The following COL7A1 variants were observed in gnomAD, a reference collection of about 807,000 sequenced individuals.
COL7A1 encodes collagen type VII alpha 1 chain, also known as collagen alpha-1(VII) chain.
Under a neutral mutation model 456.2 loss-of-function variants are expected in COL7A1, and 296 were observed. The observed-to-expected ratio is 0.65, with a 90% CI of 0.59 to 0.71. COL7A1 has a LOEUF of 0.71. Ranked by LOEUF, COL7A1 falls within the 30% of genes least tolerant of loss-of-function variation. The pLI is 0.00. For synonymous variants in COL7A1, 1,464 were observed against 1,525.9 expected (o/e 0.96, Z 0.95); for missense variants, 3,441 against 4,017.2 (o/e 0.86, Z 3.88).
At position 48,593,484 on chromosome 3, in the gene COL7A1, C is replaced by T; in HGVS notation, c.427-35G>A. 1 of 1,614,070 alleles carries T rather than the reference C, an allele frequency of 6.2e-7. No homozygotes were observed. The highest frequency in any genetic ancestry group is 8.5e-7 in the Non-Finnish European group (1 of 1,179,998). On this transcript the variant is annotated intron_variant, in intron 4 of 118. Coordinates refer to ENST00000681320, the MANE Select transcript of COL7A1 (RefSeq NM_000094.4). The surrounding 1 kb of genome is among the most constrained non-coding windows in gnomAD (Gnocchi z 4.4). The stretch of plus-strand genomic sequence containing the variant: ...GTGCAGGGGTCAAATCACGGTTCCC[C>T]TGGACACTTCATTTGGGGTCATCTT...
Position 48,580,444 on chromosome 3 carries a change from ATGCGTGTG to A in COL7A1, c.5053-108_5053-101del. ...TCATGGGAATGTTGGTAGCCTTCAG[ATGCGTGTG>A]TGCAGGGGTCAAAGGAAGTGAAGAT... On this transcript the variant is annotated intron_variant, in intron 55 of 118. Transcript: ENST00000681320. The surrounding 1 kb of genome is among the most constrained non-coding windows in gnomAD (Gnocchi z 4.5). 1.3e-6 allele frequency: 2 copies of A among 1,494,742 alleles called. No individual in the cohort carries two copies. The highest frequency in any genetic ancestry group is 1.8e-6 in the Non-Finnish European group (2 of 1,086,094). 92.6% of individuals were successfully genotyped at this position (1,494,742 alleles called of 1,614,324 possible).
In COL7A1 at chr3:48,572,066, G is replaced by T; in HGVS notation, c.7024-21C>A. 1 of 1,612,694 alleles carries T rather than the reference G, an allele frequency of 6.2e-7. No individual in the cohort carries two copies. Among genetic ancestry groups the T allele is most frequent in the South Asian group, 1.1e-5 (1 of 90,862 alleles). ...TCACCCTGCACAGAATGGCAGGTGA[G>T]GGGTGTCTGGACTGAGCCTTCTCTG... is the stretch of plus-strand genomic sequence containing the variant. On this transcript the variant is annotated intron_variant, in intron 91 of 118. Transcript: ENST00000681320. The surrounding 1 kb of genome is among the most constrained non-coding windows in gnomAD (Gnocchi z 4.6).
Position 48,585,906 on chromosome 3 carries a change from A to G in COL7A1, c.3759+34T>C. On this transcript the variant is annotated intron_variant, in intron 29 of 118. Coordinates refer to ENST00000681320, the MANE Select transcript of COL7A1 (RefSeq NM_000094.4). The surrounding 1 kb of genome is among the most constrained non-coding windows in gnomAD (Gnocchi z 4.5). ...GGTCAGAGTGGCTAGCCCCAGGTGC[A>G]GCCTCTGTTCACCTCTCGATGAGGG... 6.2e-7 allele frequency: 1 copy of G among 1,614,102 alleles called. No homozygotes were observed. Among genetic ancestry groups the G allele is most frequent in the Non-Finnish European group, 8.5e-7 (1 of 1,180,006 alleles).
chr3:48,584,813 A>C, intron 34 of COL7A1, 44 bp from the exon 35 acceptor site: 2 of 1,613,822 alleles, frequency 1.2e-6, no homozygotes, highest in South Asian at 2.2e-5. Flanking sequence ...GGCTCAGGCG[A>C]ATGTCAACGT....
chr3:48,568,822 C>G lies in COL7A1; in HGVS notation c.7720G>C (p.Ala2574Pro). The change falls in exon 104 of 119, where the codon GCC (alanine) becomes CCC (proline). Residue 2574 changes from alanine to proline, a missense_variant. Transcript: ENST00000681320. The surrounding 1 kb of genome is among the most constrained non-coding windows in gnomAD (Gnocchi z 5.2). ...AGTCCACGCAGTCCTGGCAACCCGG[C>G]TGAGCCCTTGTCACCAGGCTCTCCC... Reference protein sequence around the residue: ...SKGEPGDKGSAGLPGLRGLLG... With the variant: ...SKGEPGDKGSPGLPGLRGLLG... The G allele has an allele frequency of 6.3e-7, 1 of 1,576,914 alleles. No homozygotes were observed. Among genetic ancestry groups the G allele is most frequent in the South Asian group, 1.2e-5 (1 of 86,142 alleles).
At position 48,570,986 on chromosome 3, in the gene COL7A1, A is replaced by T. The variant is rs779308418; in HGVS notation, c.7165-18T>A. Reference sequence around the variant, plus strand: ...AGATCTCCCTGAAATAAAAACAGCAAAGGGAGGGAATGGTCAATGCAGGAC... The same window carrying T: ...AGATCTCCCTGAAATAAAAACAGCATAGGGAGGGAATGGTCAATGCAGGAC... On this transcript the variant is annotated intron_variant, in intron 94 of 118. Coordinates refer to ENST00000681320, the MANE Select transcript of COL7A1 (RefSeq NM_000094.4). This position sits in a 1 kb window ranked among gnomAD's most constrained non-coding sequence, Gnocchi z 5.5. 1.9e-6 allele frequency: 3 copies of T among 1,612,756 alleles called. No homozygotes were observed. The Admixed American group carries it at 5.0e-5, about 27-fold the overall frequency.
In COL7A1 at chr3:48,574,028, CCT is replaced by C. The variant is rs1401204602; in HGVS notation, c.6502-140_6502-139del. On this transcript the variant is annotated intron_variant, in intron 80 of 118. Transcript: ENST00000681320. This position sits in a 1 kb window ranked among gnomAD's most constrained non-coding sequence, Gnocchi z 5.0. ...ACAGATAATACCTACCCATGGACTG[CCT>C]CTCATAGATAGCACACACGGGCCTG... The C allele has an allele frequency of 1.7e-5, 20 of 1,204,568 alleles. No individual in the cohort carries two copies. The highest frequency in any genetic ancestry group is 2.4e-5 in the Non-Finnish European group (20 of 837,842). 74.6% of individuals were successfully genotyped at this position (1,204,568 alleles called of 1,614,324 possible).
chr3:48,585,076 C>T lies in COL7A1; in HGVS notation c.3935G>A (p.Arg1312His), dbSNP rs367597619. The change falls in exon 33 of 119, where the codon CGC becomes CAC. Residue 1312 changes from arginine to histidine, a missense_variant. This residue lies in a region of COL7A1 where 2,084 missense variants were observed against 2,501.3 expected (regional missense o/e 0.83). Coordinates refer to ENST00000681320, the MANE Select transcript of COL7A1 (RefSeq NM_000094.4). This position sits in a 1 kb window ranked among gnomAD's most constrained non-coding sequence, Gnocchi z 4.5. ...TCCAGGGGTCCCAGGATTCCCGGCG[C>T]GGCCAGGGCTGCCTGGACGCCCATC... is the stretch of plus-strand genomic sequence containing the variant. ...GADGRPGSPG[R>H]AGNPGTPGAP... 11 of 1,612,250 alleles carry T rather than the reference C, an allele frequency of 6.8e-6. No homozygotes were observed. The highest frequency in any genetic ancestry group is 4.4e-5 in the South Asian group (4 of 91,056).
chr3:48,584,431 C>T (rs1419503862), intron 36 of COL7A1, 54 bp downstream of exon 36: 16 of 1,613,456 alleles, frequency 9.9e-6, no homozygotes, highest in Middle Eastern at 1.6e-4. Context: ...TCTCGCCCCC[C>T]TCGTGTTGGT....
chr3:48,576,879 C>T lies in COL7A1; in HGVS notation c.5604+5G>A, dbSNP rs2532851. 7 of 1,614,074 alleles carry T rather than the reference C, an allele frequency of 4.3e-6. No homozygotes were observed. The Middle Eastern group carries it at 8.2e-4, about 190-fold the overall frequency. ...TCAGAGGTTGCAGAAAACTCCAATA[C>T]TCACTTCTCTCCCAGAGGCGCCTGA... On this transcript the variant is annotated splice_donor_5th_base_variant and intron_variant, in intron 67 of 118. Coordinates refer to ENST00000681320, the MANE Select transcript of COL7A1 (RefSeq NM_000094.4).
In COL7A1 at chr3:48,593,064, G is replaced by T. The variant is rs976849740; in HGVS notation, c.682+38C>A. On this transcript the variant is annotated intron_variant, in intron 6 of 118. Coordinates refer to ENST00000681320, the MANE Select transcript of COL7A1 (RefSeq NM_000094.4). The surrounding 1 kb of genome is among the most constrained non-coding windows in gnomAD (Gnocchi z 4.4). ...CTGCCAAGTGGGGATTGGGGTCCGG[G>T]GTCTAGGTCAGGGTACACCGTGTGG... 12 of 1,613,938 alleles carry T rather than the reference G, an allele frequency of 7.4e-6. No homozygotes were observed. The African/African-American group carries it at 1.6e-4, about 22-fold the overall frequency.
chr3:48,572,020 G>A lies in COL7A1; in HGVS notation c.7049C>T (p.Pro2350Leu). 7 of 1,612,804 alleles carry A rather than the reference G, an allele frequency of 4.3e-6. No individual in the cohort carries two copies. Among genetic ancestry groups the A allele is most frequent in the Non-Finnish European group, 5.9e-6 (7 of 1,179,488 alleles). Residue 2350 changes from proline (P) to leucine (L), a missense_variant, in exon 92 of 119, where the codon CCC becomes CTC. By Grantham distance (98) the Pro-to-Leu change is moderately conservative (BLOSUM62 -3). Around this residue, in one of 3 missense-constraint regions of COL7A1, gnomAD observed 2,084 missense variants for 2,501.3 expected, o/e 0.83. Transcript: ENST00000681320. The surrounding 1 kb of genome is among the most constrained non-coding windows in gnomAD (Gnocchi z 4.6). Reference protein sequence around the residue: ...EKGEAGRAGEPGDPGEDGQKG... With the variant: ...EKGEAGRAGELGDPGEDGQKG... ...ACTCACATCTTCCCCAGGGTCTCCGGGCTCCCCTGCACGGCCAGCTTCACC... is the reference window on the plus strand; with the variant it reads ...ACTCACATCTTCCCCAGGGTCTCCGAGCTCCCCTGCACGGCCAGCTTCACC...
rs2532889 is a variant in COL7A1 at position 48,584,785 on chromosome 3, A to G, written c.4012-16T>C. 11 of 1,613,724 alleles carry G rather than the reference A, an allele frequency of 6.8e-6. No homozygotes were observed. Among genetic ancestry groups the G allele is most frequent in the African/African-American group, 1.3e-5 (1 of 74,844 alleles). ...CTCGCTCTCCCTGAGGACGAAACAGAGCAGAGGGTGGTGCTTGGGCTCAGG... is the reference window on the plus strand; with the variant it reads ...CTCGCTCTCCCTGAGGACGAAACAGGGCAGAGGGTGGTGCTTGGGCTCAGG... On this transcript the variant is annotated splice_polypyrimidine_tract_variant and intron_variant, in intron 34 of 118. Coordinates refer to ENST00000681320, the MANE Select transcript of COL7A1 (RefSeq NM_000094.4).
intron 65 of COL7A1, 135 bp from the exon 66 acceptor site, chr3:48,577,162 G>A: frequency 7.9e-7 from 1 of 1,265,450 alleles, no homozygotes; most frequent in Non-Finnish European, 1.1e-6. Flanking sequence ...CTTGGAGCAT[G>A]GCCTGTGGCC....
intron 2 of COL7A1, 43 bp downstream of exon 2, chr3:48,595,032 A>G: frequency 6.9e-7 from 1 of 1,452,526 alleles, no homozygotes; most frequent in East Asian, 2.5e-5. Context: ...GGAGGGTGGC[A>G]CGGTGCAGTG....
Position 48,583,814 on chromosome 3 carries a change from A to G in COL7A1, c.4279-34T>C, listed in dbSNP as rs760595696. The G allele has an allele frequency of 6.2e-7, 1 of 1,613,604 alleles. No homozygotes were observed. The highest frequency in any genetic ancestry group is 8.5e-7 in the Non-Finnish European group (1 of 1,179,812). Reference sequence around the variant, plus strand: ...AAGTGAGTAAAAATATGAGCCAAGAACTATGAAGCCCAGCACCCAACCACT... The same window carrying G: ...AAGTGAGTAAAAATATGAGCCAAGAGCTATGAAGCCCAGCACCCAACCACT... On this transcript the variant is annotated intron_variant, in intron 39 of 118. Coordinates refer to ENST00000681320, the MANE Select transcript of COL7A1 (RefSeq NM_000094.4). The surrounding 1 kb of genome is among the most constrained non-coding windows in gnomAD (Gnocchi z 5.1).
Position 48,590,842 on chromosome 3 carries a change from G to C in COL7A1, c.1637-26C>G. 6.2e-7 allele frequency: 1 copy of C among 1,610,370 alleles called. No individual in the cohort carries two copies. ...CTAAGAGAGAAGTCAGGGTAGGTGG[G>C]CAGGGGTCAGAAAGAGACAGGGATG... On this transcript the variant is annotated intron_variant, in intron 13 of 118. Coordinates refer to ENST00000681320, the MANE Select transcript of COL7A1 (RefSeq NM_000094.4). This position sits in a 1 kb window ranked among gnomAD's most constrained non-coding sequence, Gnocchi z 4.6.
rs767805875 is a variant in COL7A1 at position 48,592,108 on chromosome 3, G to A, written c.1234C>T (p.Arg412Cys). The change falls in exon 10 of 119, where the codon CGC (arginine) becomes TGC (cysteine). Residue 412 changes from arginine (R) to cysteine (C), a missense_variant. By Grantham distance (180) the Arg-to-Cys change is radical. Transcript: ENST00000681320. The surrounding 1 kb of genome is among the most constrained non-coding windows in gnomAD (Gnocchi z 7.6). ...SVGPATSLMARTDASVEQTLR... is the reference protein window; with the variant it reads ...SVGPATSLMACTDASVEQTLR... ...AAGTGCCCAGCCTTCTCACCAGTGC[G>A]AGCCATCAGGGAAGTGGCGGGCCCC... 14 of 1,614,038 alleles carry A rather than the reference G, an allele frequency of 8.7e-6. No homozygotes were observed. Among genetic ancestry groups the A allele is most frequent in the East Asian group, 2.2e-5 (1 of 44,896 alleles).
Position 48,583,911 on chromosome 3 carries a change from G to A in COL7A1, c.4267C>T (p.Pro1423Ser), listed in dbSNP as rs1259046092. ...PGEGGIAPGE[P>S]GLPGLPGSPG... is the part of the protein sequence containing the mutation. ...TCAAGGCCCCTCACCGGCAGCCCAG[G>A]CTCCCCAGGAGCAATGCCACCTTCA... The change falls in exon 39 of 119, where the codon CCT becomes TCT. Residue 1423 changes from proline to serine, a missense_variant. Pro to Ser is a moderately conservative substitution (Grantham distance 74). This residue lies in a region of COL7A1 where 2,084 missense variants were observed against 2,501.3 expected (regional missense o/e 0.83). Coordinates refer to ENST00000681320, the MANE Select transcript of COL7A1 (RefSeq NM_000094.4). The surrounding 1 kb of genome is among the most constrained non-coding windows in gnomAD (Gnocchi z 5.1). 3.1e-6 allele frequency: 5 copies of A among 1,613,798 alleles called. No homozygotes were observed. Among genetic ancestry groups the A allele is most frequent in the African/African-American group, 1.3e-5 (1 of 74,898 alleles).
Sources: allele counts gnomAD v4.1 joint callset, GRCh38; gene constraint gnomAD v4.1.1; regional missense constraint gnomAD v4.1.1; non-coding constraint Gnocchi (gnomAD v3.1); transcripts MANE v1.5; gene names NCBI Gene and HGNC (gene_info 2026-07-23, HGNC 2026-07-21).